The following GABRA3 variants were observed in gnomAD, a reference collection of about 807,000 sequenced individuals.
GABRA3 encodes the protein gamma-aminobutyric acid receptor subunit alpha-3.
A neutral mutation model predicts 30.1 loss-of-function variants in GABRA3; 10 were observed. The observed-to-expected ratio is 0.33, with a 90% confidence interval of 0.20 to 0.56. GABRA3 has a LOEUF of 0.56. Among genes scored for constraint, GABRA3 ranks in the 20% least tolerant of loss-of-function variants. The pLI, the probability that GABRA3 is intolerant of heterozygous loss-of-function variation, is 0.89. For synonymous variants in GABRA3, 151 were observed against 146.8 expected (o/e 1.03, Z -0.21); for missense variants, 233 against 392.0 (o/e 0.59, Z 3.42).
At chrX:152,266,840 G>C (rs1264434521) in intron 4 of GABRA3, among the ~76,000 whole-genome samples, 1 of 111,425 alleles carries the variant, frequency 9.0e-6, no homozygotes, top group Admixed American at 9.6e-5. Flanking sequence ...ACTTTGTTTT[G>C]TTTACTGCTA....
chrX:152,283,261 T>A (rs1492304), intron 4 of GABRA3, among the ~76,000 whole-genome samples: 24,391 of 110,589 alleles, frequency 0.22, 2,597 homozygotes, highest in African/African-American at 0.42. Context: ...TCCTTATATC[T>A]TACATACCCC....
At chrX:152,334,516 C>T (rs1940205515) in intron 3 of GABRA3, among the ~76,000 whole-genome samples, 1 of 111,444 alleles carries the variant, frequency 9.0e-6, no homozygotes. Context: ...ACATGAAGAA[C>T]TCTGCAGACC....
chrX:152,253,346 TA>T (rs5904336), intron 5 of GABRA3, among the ~76,000 whole-genome samples: 22,163 of 111,073 alleles, frequency 0.2, 2,416 homozygotes, highest in African/African-American at 0.42. Flanking sequence ...TAACTGCTGT[TA>T]AGACTTCTTT....
At chrX:152,349,232 T>A (rs1940436934) in intron 2 of GABRA3, among the ~76,000 whole-genome samples, 1 of 105,284 alleles carries the variant, frequency 9.5e-6, no homozygotes, top group African/African-American at 3.5e-5. Flanking sequence ...AAGCAACTCA[T>A]CCCTTCAAGT....
In GABRA3 at chrX:152,253,513, C is replaced by T. The variant is rs140533399; in HGVS notation, c.551+2265G>A. On this transcript the variant is annotated intron_variant, in intron 5 of 9. Coordinates refer to ENST00000370314, the MANE Select transcript of GABRA3 (RefSeq NM_000808.4). ...ATACCTACTACCTTCACAACTCCTCCTCTCTGTCATTCTGAAGTTTTCTAT... is the reference window on the plus strand; with the variant it reads ...ATACCTACTACCTTCACAACTCCTCTTCTCTGTCATTCTGAAGTTTTCTAT... Among the ~76,000 whole-genome samples the T allele has an allele frequency of 8.7e-3, 971 of 111,845 alleles. 15 individuals are homozygous for T. The highest frequency in any genetic ancestry group is 0.03 in the African/African-American group (924 of 30,860).
At chrX:152,405,387 A>G (rs899808459) in intron 1 of GABRA3, among the ~76,000 whole-genome samples, 2 of 109,613 alleles carry the variant, frequency 1.8e-5, no homozygotes, top group African/African-American at 6.6e-5. Flanking sequence ...CCCCAAATAA[A>G]CTTAAGTGAC....
chrX:152,169,292 C>T (rs1262237941), intron 9 of GABRA3, among the ~76,000 whole-genome samples: 5 of 112,419 alleles, frequency 4.4e-5, no homozygotes, highest in Non-Finnish European at 9.4e-5. Flanking sequence ...TGCAGTGTAA[C>T]TGTTCAGCAA....
chrX:152,231,113 AAAAC>A (rs1164567021), intron 5 of GABRA3, among the ~76,000 whole-genome samples: 1 of 107,956 alleles, frequency 9.3e-6, no homozygotes, highest in Non-Finnish European at 1.9e-5. Context: ...AATGAGAAGA[AAAAC>A]AACCTAATAC....
At chrX:152,429,182 T>G (rs770319333) in intron 1 of GABRA3, among the ~76,000 whole-genome samples, 2 of 111,337 alleles carry the variant, frequency 1.8e-5, no homozygotes, top group East Asian at 2.9e-4. Context: ...CAGGGAAAAG[T>G]ACAAGTTCAG....
At chrX:152,399,069 T>C (rs901953322) in intron 1 of GABRA3, among the ~76,000 whole-genome samples, 1 of 111,151 alleles carries the variant, frequency 9.0e-6, no homozygotes, top group Admixed American at 9.6e-5. Flanking sequence ...AGCTTCCTAC[T>C]CTATCTAGTA....
intron 4 of GABRA3, 29 bp downstream of exon 4, chrX:152,284,639 C>T (rs1445651276): frequency 2.8e-6 from 3 of 1,085,112 alleles, no homozygotes; most frequent in Admixed American, 4.6e-5. Flanking sequence ...AGTGCATCCT[C>T]TTTTACATTT....
intron 5 of GABRA3, among the ~76,000 whole-genome samples, chrX:152,237,926 T>C (rs1466496262): frequency 9.0e-6 from 1 of 111,044 alleles, no homozygotes; most frequent in Admixed American, 9.6e-5. Flanking sequence ...TATACAATCA[T>C]GTCATCTGCA....
chrX:152,380,895 C>T (rs1471397094), intron 1 of GABRA3, among the ~76,000 whole-genome samples: 1 of 111,595 alleles, frequency 9.0e-6, no homozygotes, highest in East Asian at 2.8e-4. Flanking sequence ...GAGGTGGGGT[C>T]TAGTGAAAGA....
intron 3 of GABRA3, among the ~76,000 whole-genome samples, chrX:152,341,118 A>G (rs917443298): frequency 1.8e-5 from 2 of 111,359 alleles, no homozygotes; most frequent in African/African-American, 6.5e-5. Context: ...AAGTGAGAAC[A>G]TATAGTATTT....
intron 4 of GABRA3, among the ~76,000 whole-genome samples, chrX:152,260,292 C>T (rs1459287293): frequency 9.0e-6 from 1 of 111,625 alleles, no homozygotes; most frequent in Non-Finnish European, 1.9e-5. Flanking sequence ...CTAGATCTGC[C>T]AAGGGCCTGG....
intron 9 of GABRA3, among the ~76,000 whole-genome samples, chrX:152,180,971 C>T (rs990083744): frequency 6.2e-5 from 7 of 112,091 alleles, no homozygotes; most frequent in African/African-American, 1.6e-4. Context: ...TCAGGTAATA[C>T]GATGCCTTCA....
intron 1 of GABRA3, among the ~76,000 whole-genome samples, chrX:152,372,523 G>T (rs1025408636): frequency 9.8e-5 from 11 of 111,724 alleles, no homozygotes; most frequent in South Asian, 7.6e-4. Flanking sequence ...TCTCCCACTG[G>T]ATATAAGCTT....
intron 5 of GABRA3, among the ~76,000 whole-genome samples, chrX:152,246,257 G>A (rs965399003): frequency 3.6e-5 from 4 of 111,745 alleles, no homozygotes; most frequent in African/African-American, 1.3e-4. Flanking sequence ...AAATCCCTCT[G>A]TTAGAATGAA....
intron 3 of GABRA3, among the ~76,000 whole-genome samples, chrX:152,295,283 C>T (rs745741558): frequency 1.8e-5 from 2 of 112,907 alleles, no homozygotes; most frequent in East Asian, 5.7e-4. Context: ...TTTTGTTCAG[C>T]TATGCCCTGC....
Sources: gnomAD v4.1 joint callset for allele counts (sites outside exome capture counted in the v4.1 genomes callset) on GRCh38, gnomAD v4.1.1 for gene constraint, MANE v1.5 for transcripts, NCBI Gene and HGNC (gene_info 2026-07-23, HGNC 2026-07-21) for gene names.